Variants in MAGI1 observed in about 807,000 individuals in gnomAD.
The protein encoded by MAGI1 is membrane associated guanylate kinase, WW and PDZ domain containing 1.
Under a neutral mutation model 139.9 loss-of-function variants are expected in MAGI1, and 58 were observed. That is an observed-to-expected ratio of 0.41 (90% CI 0.34 to 0.52). The LOEUF (loss-of-function observed/expected upper bound fraction) is 0.52, where lower values mean the gene tolerates loss of function less well. MAGI1 is among the 20% of genes least tolerant of loss of function. MAGI1 has a pLI of 0.12. For synonymous variants in MAGI1, 812 were observed against 737.9 expected, an observed-to-expected ratio of 1.10 and a Z score of -1.63; for missense variants, 1,874 against 1,901.6, an observed-to-expected ratio of 0.99 and a Z score of 0.27.
At chr3:65,869,716 TG>T (rs2059871365) in intron 1 of MAGI1, among the ~76,000 whole-genome samples, 1 of 152,130 alleles carries the variant, frequency 6.6e-6, no homozygotes, top group South Asian at 2.1e-4. Flanking sequence ...GTTTTTTAAC[TG>T]ATGTATTCCA....
At chr3:65,891,859 C>A (rs1246837716) in intron 1 of MAGI1, among the ~76,000 whole-genome samples, 3 of 118,798 alleles carry the variant, frequency 2.5e-5, no homozygotes, top group Non-Finnish European at 5.0e-5. Flanking sequence ...GCACATTGTG[C>A]AAATGTACCC....
intron 2 of MAGI1, among the ~76,000 whole-genome samples, chr3:65,613,971 C>T: frequency 6.6e-6 from 1 of 152,106 alleles, no homozygotes; most frequent in East Asian, 1.9e-4. Context: ...AACAGAGGGC[C>T]TACAAAGTAT....
At chr3:66,033,287 G>T (rs2068740313) in intron 1 of MAGI1, among the ~76,000 whole-genome samples, 1 of 152,132 alleles carries the variant, frequency 6.6e-6, no homozygotes, top group Non-Finnish European at 1.5e-5. Context: ...GCCTCCCAAG[G>T]TGCTGGGATT....
At chr3:65,727,869 G>GA (rs1461431822) in intron 1 of MAGI1, among the ~76,000 whole-genome samples, 14 of 152,254 alleles carry the variant, frequency 9.2e-5, no homozygotes, top group Admixed American at 9.2e-4. Flanking sequence ...ATTCAGAAGT[G>GA]AAAATTATGT....
Position 65,430,694 on chromosome 3 carries a change from G to T in MAGI1, c.1546+5C>A, listed in dbSNP as rs148924626. ...CAGAACACACTAAGGCCATGTTGAC[G>T]CTACCTGTTTCCATCTTGCCATCCA... On this transcript the variant is annotated splice_donor_5th_base_variant and intron_variant, in intron 11 of 22. Coordinates refer to ENST00000402939, the MANE Select transcript of MAGI1 (RefSeq NM_001033057.2). The T allele has an allele frequency of 1.0e-3, 1,658 of 1,612,498 alleles. 19 individuals carry two copies. In the East Asian group the frequency reaches 0.023, roughly 22 times the overall value.
chr3:65,821,960 A>C (rs546978560), intron 1 of MAGI1, among the ~76,000 whole-genome samples: 1 of 152,318 alleles, frequency 6.6e-6, no homozygotes, highest in African/African-American at 2.4e-5. Flanking sequence ...GACCATTTCA[A>C]CCTGACCAGA....
chr3:65,760,140 T>A (rs2036894018), intron 1 of MAGI1, among the ~76,000 whole-genome samples: 1 of 150,970 alleles, frequency 6.6e-6, no homozygotes, highest in Non-Finnish European at 1.5e-5. Flanking sequence ...GTCATCATTG[T>A]CTTCAACTTC....
Position 65,357,113 on chromosome 3 carries a change from G to A in MAGI1, c.3654C>T (p.His1218=), listed in dbSNP as rs199590961. Residue 1218 remains histidine (H), a synonymous_variant, in exon 23 of 23, where the codon CAC becomes CAT. Transcript: ENST00000402939. ...VPEYDPSSDR[H]GPATGPQGVP... ...CACCTTGTGGACCGGTGGCGGGGCCGTGGCGGTCGCTGCTGGGGTCTGCCA... is the reference window on the plus strand; with the variant it reads ...CACCTTGTGGACCGGTGGCGGGGCCATGGCGGTCGCTGCTGGGGTCTGCCA... The A allele has an allele frequency of 4.4e-5, 71 of 1,611,902 alleles. No individual in the cohort carries two copies. The Admixed American group carries it at 5.5e-4, about 12-fold the overall frequency.
intron 1 of MAGI1, among the ~76,000 whole-genome samples, chr3:65,725,962 A>G (rs2033559416): frequency 6.6e-6 from 1 of 152,234 alleles, no homozygotes; most frequent in African/African-American, 2.4e-5. Context: ...AAGAGAAACT[A>G]TTATTTAAAG....
chr3:65,687,963 A>G, intron 1 of MAGI1: 2 of 759,168 alleles, frequency 2.6e-6, no homozygotes, highest in Non-Finnish European at 4.7e-6. Flanking sequence ...GTTCACAGTT[A>G]AAGTTATCAT....
At chr3:65,480,216 C>T (rs1408900839) in intron 3 of MAGI1, among the ~76,000 whole-genome samples, 6 of 151,212 alleles carry the variant, frequency 4.0e-5, no homozygotes, top group East Asian at 1.9e-4. Flanking sequence ...GCCTGGTCTC[C>T]GTGAGACATA....
In MAGI1 at chr3:65,560,075, C is replaced by G. The variant is rs55772552; in HGVS notation, c.430+61897G>C. Among the ~76,000 whole-genome samples the G allele has an allele frequency of 4.0e-3, 604 of 152,230 alleles. 5 individuals are homozygous for G. The highest frequency in any genetic ancestry group is 4.1e-3 in the Non-Finnish European group (277 of 68,010). ...TGAAAACACACATCTGACTTCAAAGCTTGTCTGTTTAGCAAAATACAAAAC... is the reference window on the plus strand; with the variant it reads ...TGAAAACACACATCTGACTTCAAAGGTTGTCTGTTTAGCAAAATACAAAAC... On this transcript the variant is annotated intron_variant, in intron 2 of 22. Coordinates refer to ENST00000402939, the MANE Select transcript of MAGI1 (RefSeq NM_001033057.2).
intron 1 of MAGI1, among the ~76,000 whole-genome samples, chr3:65,831,381 G>A (rs917884713): frequency 7.2e-5 from 11 of 152,312 alleles, no homozygotes; most frequent in Admixed American, 1.3e-4. Context: ...AACAAGTACA[G>A]GCTGAAACCC....
intron 9 of MAGI1, 127 bp from the exon 10 acceptor site, chr3:65,437,374 AGTT>A (rs1463020855): frequency 6.1e-6 from 3 of 493,196 alleles, no homozygotes; most frequent in African/African-American, 4.0e-5. Flanking sequence ...ATTAAAAAGA[AGTT>A]GTTATCTGAC....
intron 12 of MAGI1, among the ~76,000 whole-genome samples, chr3:65,404,454 T>G (rs1435725035): frequency 1.3e-5 from 2 of 152,180 alleles, no homozygotes; most frequent in East Asian, 3.9e-4. Flanking sequence ...TGCCGGCTAG[T>G]TGCTGAAAAC....
chr3:65,615,492 TC>T (rs1264991928), intron 2 of MAGI1, among the ~76,000 whole-genome samples: 1 of 152,114 alleles, frequency 6.6e-6, no homozygotes, highest in Admixed American at 6.5e-5. Flanking sequence ...ATTCCACACT[TC>T]AATGCTCCTG....
intron 1 of MAGI1, among the ~76,000 whole-genome samples, chr3:65,717,699 T>A (rs923689466): frequency 6.6e-6 from 1 of 152,194 alleles, no homozygotes; most frequent in East Asian, 1.9e-4. Flanking sequence ...AGCTCAAAAC[T>A]TTCCATTCCA....
rs1161672999 is a variant in MAGI1 at position 65,419,229 on chromosome 3, C to CACACACACACACACACACAT, written c.2167+10290_2167+10291insATGTGTGTGTGTGTGTGTGT. ...ATTTTATAACACATTCATACACACACACACACACACACACACAAGTGTATG... is the reference window on the plus strand; with the variant it reads ...ATTTTATAACACATTCATACACACACACACACACACACACACACATACACACACACACACACAAGTGTATG... On this transcript the variant is annotated intron_variant, in intron 12 of 22. Coordinates refer to ENST00000402939, the MANE Select transcript of MAGI1 (RefSeq NM_001033057.2). Among the ~76,000 whole-genome samples, 252 of 144,830 alleles carry CACACACACACACACACACAT rather than the reference C, an allele frequency of 1.7e-3. 1 individual carries two copies. In the East Asian group the frequency reaches 0.017, roughly 10 times the overall value.
chr3:65,458,485 G>A (rs1949549792), intron 5 of MAGI1, among the ~76,000 whole-genome samples: 1 of 151,446 alleles, frequency 6.6e-6, no homozygotes, highest in South Asian at 2.1e-4. Flanking sequence ...GTTATTGCCT[G>A]TCTTTTGGAT....
Sources: gnomAD v4.1 joint callset for allele counts (sites outside exome capture counted in the v4.1 genomes callset) on GRCh38, gnomAD v4.1.1 for gene constraint, MANE v1.5 for transcripts, NCBI Gene and HGNC (gene_info 2026-07-23, HGNC 2026-07-21) for gene names.